Variants in SORCS2 observed in about 807,000 individuals in gnomAD.
SORCS2 encodes the protein sortilin related VPS10 domain containing receptor 2, also known as VPS10 domain-containing receptor SorCS2.
Under a neutral mutation model 141.6 loss-of-function variants are expected in SORCS2, and 100 were observed. That is an observed-to-expected ratio of 0.71 (90% CI 0.60 to 0.83). SORCS2 has a LOEUF of 0.83. Ranked by LOEUF, SORCS2 falls within the 40% of genes least tolerant of loss-of-function variation. The pLI is 0.00. For synonymous variants in SORCS2, 789 were observed against 676.9 expected (o/e 1.17, Z -2.57); for missense variants, 1,646 against 1,560.2 (o/e 1.05, Z -0.93).
At chr4:7,304,386 C>G (rs1717643776) in intron 1 of SORCS2, among the ~76,000 whole-genome samples, 1 of 152,192 alleles carries the variant, frequency 6.6e-6, no homozygotes, top group Admixed American at 6.5e-5. Context: ...TCCTTCCCCC[C>G]TTTTATGCAT....
At chr4:7,427,466 G>A (rs950765705) in intron 2 of SORCS2, among the ~76,000 whole-genome samples, 1 of 152,210 alleles carries the variant, frequency 6.6e-6, no homozygotes, top group Admixed American at 6.5e-5. Flanking sequence ...GCACCTCATG[G>A]GGACGGGATG....
chr4:7,735,218 C>T (rs2148900950), intron 25 of SORCS2, among the ~76,000 whole-genome samples: 1 of 152,364 alleles, frequency 6.6e-6, no homozygotes, highest in African/African-American at 2.4e-5. Flanking sequence ...CCAGTCTCCC[C>T]ATCGGGGTCA....
At chr4:7,551,831 T>A (rs994236590) in intron 3 of SORCS2, among the ~76,000 whole-genome samples, 1 of 152,252 alleles carries the variant, frequency 6.6e-6, no homozygotes, top group African/African-American at 2.4e-5. Context: ...GGTCCCAGTT[T>A]GTGAAAGGAG....
In SORCS2 at chr4:7,416,623, T is replaced by C. The variant is rs563314353; in HGVS notation, c.548+20268T>C. Among the ~76,000 whole-genome samples, 3 of 151,944 alleles carry C rather than the reference T, an allele frequency of 2.0e-5. No homozygotes were observed. In the East Asian group the frequency reaches 5.8e-4, roughly 29 times the overall value. On this transcript the variant is annotated intron_variant, in intron 2 of 26. Transcript: ENST00000507866. Reference sequence around the variant, plus strand: ...TTGTGCGTATACACAGACACGCATATGGACACATTCACACACAAGCACACA... The same window carrying C: ...TTGTGCGTATACACAGACACGCATACGGACACATTCACACACAAGCACACA...
chr4:7,278,316 G>A (rs1407265576), intron 1 of SORCS2, among the ~76,000 whole-genome samples: 2 of 152,220 alleles, frequency 1.3e-5, no homozygotes, highest in African/African-American at 2.4e-5. Flanking sequence ...GCCTGGTTGG[G>A]ACGAGTTCAC....
chr4:7,656,803 G>A (rs1721806447), intron 5 of SORCS2, among the ~76,000 whole-genome samples: 1 of 152,354 alleles, frequency 6.6e-6, no homozygotes, highest in Admixed American at 6.5e-5. Context: ...AGGAAGAGGT[G>A]GAGGTCTCCC....
chr4:7,397,413 G>T (rs144528145), intron 2 of SORCS2, among the ~76,000 whole-genome samples: 1 of 151,944 alleles, frequency 6.6e-6, no homozygotes, highest in South Asian at 2.1e-4. Context: ...ACAGTCCCCC[G>T]AGTAGTCCTC....
At chr4:7,243,993 C>T (rs1712896565) in intron 1 of SORCS2, among the ~76,000 whole-genome samples, 1 of 152,230 alleles carries the variant, frequency 6.6e-6, no homozygotes, top group African/African-American at 2.4e-5. Context: ...GAAATGCTCG[C>T]CCTGTTCTTG....
rs1173600011 is a variant in SORCS2 at position 7,733,310 on chromosome 4, C to T, written c.3109-12C>T. The T allele has an allele frequency of 1.3e-6, 2 of 1,545,560 alleles. No homozygotes were observed. The highest frequency in any genetic ancestry group is 4.8e-5 in the East Asian group (2 of 41,358). ...ATGGAGGCCTCACTCACTGTCCCCTCTGTGCTTGCAGAGGCTCGCCGCCAT... is the reference window on the plus strand; with the variant it reads ...ATGGAGGCCTCACTCACTGTCCCCTTTGTGCTTGCAGAGGCTCGCCGCCAT... On this transcript the variant is annotated splice_polypyrimidine_tract_variant and intron_variant, in intron 23 of 26. Coordinates refer to ENST00000507866, the MANE Select transcript of SORCS2 (RefSeq NM_020777.3).
intron 2 of SORCS2, among the ~76,000 whole-genome samples, chr4:7,454,853 C>CTG (rs201322216): frequency 8.5e-6 from 1 of 117,620 alleles, no homozygotes; most frequent in African/African-American, 3.4e-5. Flanking sequence ...GGGTCAGGTG[C>CTG]TGTGTTGGGG....
intron 3 of SORCS2, among the ~76,000 whole-genome samples, chr4:7,623,682 C>T (rs1719346890): frequency 2.0e-5 from 3 of 152,158 alleles, no homozygotes; most frequent in Admixed American, 6.5e-5. Context: ...CTGGGCACCT[C>T]GCTGTCTCTA....
At chr4:7,723,163 C>T (rs560125700) in intron 18 of SORCS2, among the ~76,000 whole-genome samples, 11 of 152,234 alleles carry the variant, frequency 7.2e-5, no homozygotes, top group Non-Finnish European at 1.3e-4. Flanking sequence ...TCACCCTGCC[C>T]CATCTCAGCG....
intron 1 of SORCS2, among the ~76,000 whole-genome samples, chr4:7,272,445 A>G (rs894676415): frequency 2.6e-5 from 4 of 152,252 alleles, no homozygotes; most frequent in African/African-American, 4.8e-5. Context: ...AATCAATGAA[A>G]TGTGGTAATA....
chr4:7,336,932 A>T (rs1577415123), intron 1 of SORCS2, among the ~76,000 whole-genome samples: 1 of 152,126 alleles, frequency 6.6e-6, no homozygotes, highest in Non-Finnish European at 1.5e-5. Flanking sequence ...CTGAGCCCCA[A>T]GTTCTCATCT....
chr4:7,326,250 TG>T (rs901839427), intron 1 of SORCS2, among the ~76,000 whole-genome samples: 1 of 151,836 alleles, frequency 6.6e-6, no homozygotes, highest in African/African-American at 2.4e-5. Flanking sequence ...CAGGAGGGTG[TG>T]GGGGTGCTCA....
chr4:7,380,646 C>T (rs1222959303), intron 1 of SORCS2, among the ~76,000 whole-genome samples: 1 of 152,256 alleles, frequency 6.6e-6, no homozygotes, highest in Non-Finnish European at 1.5e-5. Flanking sequence ...CCTCGTTCCT[C>T]CTTAATAAAG....
At chr4:7,705,135 C>T (rs1725343964) in intron 14 of SORCS2, among the ~76,000 whole-genome samples, 1 of 152,186 alleles carries the variant, frequency 6.6e-6, no homozygotes, top group Non-Finnish European at 1.5e-5. Flanking sequence ...ATGACTGTGT[C>T]CTTACAAGAG....
At position 7,285,325 on chromosome 4, in the gene SORCS2, G is replaced by A. The variant is rs547596674; in HGVS notation, c.480+92199G>A. On this transcript the variant is annotated intron_variant, in intron 1 of 26. Coordinates refer to ENST00000507866, the MANE Select transcript of SORCS2 (RefSeq NM_020777.3). ...TGGGATTACAGGTGTGAGCCACCAC[G>A]CCCGGCCCCATCTCCTCATGTTGAC... is the stretch of plus-strand genomic sequence containing the variant. Among the ~76,000 whole-genome samples, 14 of 152,264 alleles carry A rather than the reference G, an allele frequency of 9.2e-5. No homozygotes were observed. The East Asian group carries it at 1.9e-3, about 21-fold the overall frequency.
At chr4:7,634,220 A>G (rs1577871888) in intron 3 of SORCS2, among the ~76,000 whole-genome samples, 1 of 152,162 alleles carries the variant, frequency 6.6e-6, no homozygotes. Context: ...CTAAAAATAC[A>G]AAAATTAGCC....
Sources: gnomAD v4.1 joint callset for allele counts (sites outside exome capture counted in the v4.1 genomes callset) on GRCh38, gnomAD v4.1.1 for gene constraint, MANE v1.5 for transcripts, NCBI Gene and HGNC (gene_info 2026-07-23, HGNC 2026-07-21) for gene names.